MYO16: variants seen among roughly 807,000 people sequenced by gnomAD.
MYO16 encodes unconventional myosin-XVI.
Under a neutral mutation model 205.3 loss-of-function variants are expected in MYO16, and 94 were observed. The ratio of observed to expected loss-of-function variants is 0.46; its 90% CI spans 0.39 to 0.54. The LOEUF (loss-of-function observed/expected upper bound fraction) is 0.54, where lower values mean the gene tolerates loss of function less well. Ranked by LOEUF, MYO16 falls within the 20% of genes least tolerant of loss-of-function variation. The pLI, the probability that MYO16 is intolerant of heterozygous loss-of-function variation, is 0.00. For missense variants in MYO16, 2,315 were observed against 2,387.5 expected (o/e 0.97, Z 0.63); for synonymous variants, 988 against 954.0 (o/e 1.04, Z -0.66).
the MYO16 span, among the ~76,000 whole-genome samples, chr13:108,496,714 G>A: frequency 6.6e-6 from 1 of 152,364 alleles, no homozygotes; most frequent in East Asian, 1.9e-4. Context: ...AAAAGCAGTA[G>A]CTACTCACAT....
chr13:108,618,353 G>T (rs1879421982), intron 1 of MYO16, among the ~76,000 whole-genome samples: 1 of 152,284 alleles, frequency 6.6e-6, no homozygotes, highest in Non-Finnish European at 1.5e-5. Flanking sequence ...GAGGAGAAAA[G>T]ACTTCCCAGC....
At chr13:108,899,817 C>CT (rs1880619555) in intron 15 of MYO16, among the ~76,000 whole-genome samples, 1 of 152,190 alleles carries the variant, frequency 6.6e-6, no homozygotes, top group Non-Finnish European at 1.5e-5. Flanking sequence ...CCTTGCCACT[C>CT]AAATGTGTGG....
chr13:108,728,435 CCAA>C (rs1884413913), intron 4 of MYO16, among the ~76,000 whole-genome samples: 1 of 50,214 alleles, frequency 2.0e-5, no homozygotes, highest in Non-Finnish European at 7.0e-5. Flanking sequence ...GCCTGCCATA[CCAA>C]TTACCGCCTA....
At chr13:108,842,330 A>G (rs1465300642) in intron 9 of MYO16, among the ~76,000 whole-genome samples, 1 of 152,186 alleles carries the variant, frequency 6.6e-6, no homozygotes, top group Non-Finnish European at 1.5e-5. Flanking sequence ...TTAGGTATAT[A>G]TACATATATG....
At chr13:109,107,722 A>G (rs1165616429) in intron 28 of MYO16, among the ~76,000 whole-genome samples, 1 of 151,440 alleles carries the variant, frequency 6.6e-6, no homozygotes, top group East Asian at 1.9e-4. Flanking sequence ...CTTCTCTGGA[A>G]TTATAAATGT....
At chr13:108,672,745 C>T (rs1312728501) in intron 2 of MYO16, among the ~76,000 whole-genome samples, 1 of 151,838 alleles carries the variant, frequency 6.6e-6, no homozygotes, top group African/African-American at 2.4e-5. Context: ...AGTTACGCCA[C>T]ATGAAAGAAA....
the MYO16 span, among the ~76,000 whole-genome samples, chr13:108,538,102 GT>G: frequency 6.6e-6 from 1 of 152,008 alleles, no homozygotes; most frequent in Non-Finnish European, 1.5e-5. Context: ...GTCCAGAAGA[GT>G]TTTTTCTAGG....
At chr13:108,746,886 A>C (rs1885081432) in intron 4 of MYO16, among the ~76,000 whole-genome samples, 2 of 152,288 alleles carry the variant, frequency 1.3e-5, no homozygotes, top group Non-Finnish European at 2.9e-5. Flanking sequence ...ACCAAACAAA[A>C]AGGGAAAATC....
chr13:108,606,777 T>G (rs1878976226), intron 1 of MYO16, among the ~76,000 whole-genome samples: 1 of 152,118 alleles, frequency 6.6e-6, no homozygotes. Flanking sequence ...TAGATCCACC[T>G]ACAGCTTGCA....
chr13:109,094,667 C>T (rs1888723672), intron 27 of MYO16, among the ~76,000 whole-genome samples: 1 of 152,076 alleles, frequency 6.6e-6, no homozygotes, highest in Non-Finnish European at 1.5e-5. Context: ...TAATGCTATC[C>T]CTCCCCTAGC....
chr13:108,636,369 T>TTTTG (rs1555333960), intron 1 of MYO16, among the ~76,000 whole-genome samples: 2 of 51,318 alleles, frequency 3.9e-5, no homozygotes, highest in Non-Finnish European at 8.4e-5. Context: ...TTTTTTTTTT[T>TTTTG]TGTGTGTGTG....
At chr13:108,685,533 T>A (rs1430885929) in intron 2 of MYO16, among the ~76,000 whole-genome samples, 3 of 152,132 alleles carry the variant, frequency 2.0e-5, no homozygotes, top group Admixed American at 1.3e-4. Context: ...TTGTGTTGAG[T>A]GTTTCAGGTG....
At chr13:109,148,765 C>T (rs1877481914) in intron 32 of MYO16, among the ~76,000 whole-genome samples, 1 of 152,184 alleles carries the variant, frequency 6.6e-6, no homozygotes, top group Non-Finnish European at 1.5e-5. Context: ...GCATTTTCTG[C>T]AGCCAGAAGA....
At chr13:108,906,963 A>G (rs1881008788) in intron 15 of MYO16, among the ~76,000 whole-genome samples, 1 of 152,190 alleles carries the variant, frequency 6.6e-6, no homozygotes, top group Non-Finnish European at 1.5e-5. Flanking sequence ...AAAGAAATGC[A>G]TAGTTGTGAA....
At chr13:109,021,419 T>C (rs1201940509) in intron 23 of MYO16, among the ~76,000 whole-genome samples, 3 of 152,168 alleles carry the variant, frequency 2.0e-5, no homozygotes, top group Non-Finnish European at 4.4e-5. Context: ...GGACTAGACC[T>C]GGAGATTCCC....
intron 15 of MYO16, among the ~76,000 whole-genome samples, chr13:108,907,319 T>G (rs1385768592): frequency 1.3e-5 from 2 of 152,174 alleles, no homozygotes; most frequent in African/African-American, 4.8e-5. Flanking sequence ...AACGCATATA[T>G]GAATATATGG....
chr13:108,724,093 A>C (rs1884255760), intron 3 of MYO16, among the ~76,000 whole-genome samples: 1 of 152,158 alleles, frequency 6.6e-6, no homozygotes, highest in Admixed American at 6.5e-5. Context: ...TTAATTTAAA[A>C]ATTATTTTTC....
At chr13:108,894,414 C>G (rs1461437345) in intron 14 of MYO16, among the ~76,000 whole-genome samples, 1 of 152,070 alleles carries the variant, frequency 6.6e-6, no homozygotes, top group African/African-American at 2.4e-5. Context: ...AGATTGCCAT[C>G]TCAGTGGAGT....
At chr13:109,011,274 G>A (rs951683618) in intron 22 of MYO16, among the ~76,000 whole-genome samples, 1 of 151,882 alleles carries the variant, frequency 6.6e-6, no homozygotes, top group Non-Finnish European at 1.5e-5. Flanking sequence ...TTCCCAGGGA[G>A]GTTATGTGGC....
Sources: allele counts gnomAD v4.1 joint callset (sites outside exome capture counted in the v4.1 genomes callset), GRCh38; gene constraint gnomAD v4.1.1; transcripts MANE v1.5; gene names NCBI Gene and HGNC (gene_info 2026-07-23, HGNC 2026-07-21).